WDFY3: variants seen among roughly 807,000 people sequenced by gnomAD.
WDFY3 encodes WD repeat and FYVE domain-containing protein 3.
Under a neutral mutation model 409.6 loss-of-function variants are expected in WDFY3, and 66 were observed. The ratio of observed to expected loss-of-function variants is 0.16; its 90% CI spans 0.13 to 0.20. The LOEUF is 0.20. Ranked by LOEUF, WDFY3 falls within the 10% of genes least tolerant of loss-of-function variation. The pLI, the probability that WDFY3 is intolerant of heterozygous loss-of-function variation, is 1.00. For missense variants in WDFY3, 3,031 were observed against 4,298.1 expected, an observed-to-expected ratio of 0.71 and a Z score of 8.24; for synonymous variants, 1,521 against 1,537.1, an observed-to-expected ratio of 0.99 and a Z score of 0.25.
intron 3 of WDFY3, among the ~76,000 whole-genome samples, chr4:84,888,880 T>C (rs72947582): frequency 1.8e-3 from 272 of 152,150 alleles, no homozygotes; most frequent in African/African-American, 6.2e-3. Context: ...CTTGTCAGTA[T>C]ATCAGCACTG....
At chr4:84,856,754 C>A (rs903901066) in intron 4 of WDFY3, among the ~76,000 whole-genome samples, 1 of 152,160 alleles carries the variant, frequency 6.6e-6, no homozygotes, top group Non-Finnish European at 1.5e-5. Context: ...ATGTCCATGT[C>A]TAACAGCTTG....
chr4:84,808,478 G>C, intron 14 of WDFY3, 61 bp from the exon 15 acceptor site: 1 of 1,457,368 alleles, frequency 6.9e-7, no homozygotes, highest in East Asian at 2.3e-5. Flanking sequence ...ACACCAGGTT[G>C]GCAGTTGGTT....
intron 32 of WDFY3, among the ~76,000 whole-genome samples, chr4:84,761,089 G>A (rs1259630790): frequency 6.6e-6 from 1 of 152,076 alleles, no homozygotes; most frequent in Non-Finnish European, 1.5e-5. Flanking sequence ...GGAGCAGGTT[G>A]TTCAGTTTCC....
chr4:84,797,526 T>G (rs1384570879), intron 18 of WDFY3, among the ~76,000 whole-genome samples: 1 of 152,022 alleles, frequency 6.6e-6, no homozygotes, highest in Non-Finnish European at 1.5e-5. Flanking sequence ...TTTTTGTTTC[T>G]ACTCTTAGCA....
At position 84,679,116 on chromosome 4, in the gene WDFY3, C is replaced by A. The variant is rs548501251; in HGVS notation, c.9950G>T (p.Arg3317Leu). The change falls in exon 65 of 68, where the codon CGC (arginine) becomes CTC (leucine). Residue 3317 changes from arginine (R) to leucine (L), a missense_variant. Physicochemically the swap from Arg to Leu is moderately radical, Grantham distance 102. This residue lies in a region of WDFY3 where 378 missense variants were observed against 477.3 expected (regional missense o/e 0.79). Coordinates refer to ENST00000295888, the MANE Select transcript of WDFY3 (RefSeq NM_014991.6). ...GTCAGTACACCAGGCGGCTGTTGCG[C>A]GGCAGGAGGCTGCCCGGGGCCTGTG... ...TSHRPRAASC[R>L]ATAAWCTDSG... 1 of 1,614,050 alleles carries A rather than the reference C, an allele frequency of 6.2e-7. No individual in the cohort carries two copies. The highest frequency in any genetic ancestry group is 8.5e-7 in the Non-Finnish European group (1 of 1,180,028).
chr4:84,877,499 A>G (rs542374190), intron 3 of WDFY3, among the ~76,000 whole-genome samples: 2 of 151,914 alleles, frequency 1.3e-5, no homozygotes, highest in Admixed American at 6.6e-5. Context: ...GGGTCTCACT[A>G]TGTTGCCCAG....
rs531525495 is a variant in WDFY3 at position 84,839,750 on chromosome 4, C to T, written c.414+1404G>A. ...GCGCGCGCCTGTAATCCCAGCTACT[C>T]GGGAGGCTGAGGCAAGAGAATCGCT... On this transcript the variant is annotated intron_variant, in intron 6 of 67. Transcript: ENST00000295888. Among the ~76,000 whole-genome samples the T allele has an allele frequency of 5.9e-5, 9 of 151,844 alleles. No individual in the cohort carries two copies. The East Asian group carries it at 1.4e-3, about 23-fold the overall frequency.
chr4:84,806,240 C>T (rs1751482386), intron 15 of WDFY3, among the ~76,000 whole-genome samples: 1 of 152,142 alleles, frequency 6.6e-6, no homozygotes, highest in African/African-American at 2.4e-5. Context: ...AAGTAAAAAA[C>T]ATAATATTCT....
chr4:84,678,107 G>A, intron 66 of WDFY3, 61 bp downstream of exon 66: 1 of 1,231,816 alleles, frequency 8.1e-7, no homozygotes, highest in Non-Finnish European at 1.2e-6. Flanking sequence ...TGGAGTATGT[G>A]GCCCTTGGCT....
chr4:84,929,339 A>G (rs1770427936), intron 2 of WDFY3, among the ~76,000 whole-genome samples: 1 of 152,122 alleles, frequency 6.6e-6, no homozygotes, highest in Non-Finnish European at 1.5e-5. Context: ...CAGCTTTGTG[A>G]GAGATCCTGA....
intron 7 of WDFY3, among the ~76,000 whole-genome samples, chr4:84,836,368 A>G (rs987552507): frequency 2.0e-5 from 3 of 152,168 alleles, no homozygotes; most frequent in African/African-American, 7.2e-5. Flanking sequence ...AAGAAAGGAT[A>G]TCATACATGA....
chr4:84,815,783 ATTTAGTTACGGTAGGG>A (rs1192778224), intron 13 of WDFY3, among the ~76,000 whole-genome samples: 1 of 152,168 alleles, frequency 6.6e-6, no homozygotes, highest in Non-Finnish European at 1.5e-5. Flanking sequence ...AATGCTGATC[ATTTAGTTACGGTAGGG>A]TCCATTGTAA....
chr4:84,856,173 TAAGTCAAC>T (rs1189288662), intron 4 of WDFY3, among the ~76,000 whole-genome samples: 1 of 152,200 alleles, frequency 6.6e-6, no homozygotes, highest in East Asian at 1.9e-4. Flanking sequence ...ACCTCTCTCT[TAAGTCAAC>T]AAATTAAAAA....
At position 84,693,002 on chromosome 4, in the gene WDFY3, C is replaced by A; in HGVS notation, c.8932G>T (p.Val2978Leu). 1 of 1,611,414 alleles carries A rather than the reference C, an allele frequency of 6.2e-7. No homozygotes were observed. Among genetic ancestry groups the A allele is most frequent in the Non-Finnish European group, 8.5e-7 (1 of 1,179,488 alleles). ...TTGTCTCCATTGAGTCGACTTCTCA[C>A]TCGCTTTGGTGGATGAGGTTTTTTA... ...LFKKPHPPKRVRSRLNGDNAG... is the reference protein window; with the variant it reads ...LFKKPHPPKRLRSRLNGDNAG... The change falls in exon 59 of 68, where the codon GTG becomes TTG. Residue 2978 changes from valine (V) to leucine (L), a missense_variant. Transcript: ENST00000295888.
intron 2 of WDFY3, among the ~76,000 whole-genome samples, chr4:84,915,873 C>T (rs1768413392): frequency 6.6e-6 from 1 of 152,168 alleles, no homozygotes; most frequent in African/African-American, 2.4e-5. Flanking sequence ...GTGTTGCATG[C>T]TTTTGGCAAG....
intron 18 of WDFY3, among the ~76,000 whole-genome samples, chr4:84,797,563 T>C (rs1749678352): frequency 6.7e-6 from 1 of 148,478 alleles, no homozygotes; most frequent in East Asian, 2.0e-4. Flanking sequence ...AATTCTTATT[T>C]ATTTATTTAT....
chr4:84,894,096 C>T (rs1262138100), intron 3 of WDFY3, among the ~76,000 whole-genome samples: 1 of 152,046 alleles, frequency 6.6e-6, no homozygotes, highest in Non-Finnish European at 1.5e-5. Context: ...AAATTTCTAC[C>T]ATGATCCTTA....
chr4:84,771,511 A>G (rs569654609), intron 30 of WDFY3, among the ~76,000 whole-genome samples: 1 of 152,346 alleles, frequency 6.6e-6, no homozygotes, highest in Admixed American at 6.5e-5. Flanking sequence ...CTACCTAATT[A>G]TAATTAGTCA....
chr4:84,831,185 C>T (rs1288626182), intron 8 of WDFY3, among the ~76,000 whole-genome samples: 1 of 103,356 alleles, frequency 9.7e-6, no homozygotes, highest in Admixed American at 1.1e-4. Flanking sequence ...AGACTCCATC[C>T]AAAAAAAAAA....
Sources: gnomAD v4.1 joint callset for allele counts (sites outside exome capture counted in the v4.1 genomes callset) on GRCh38, gnomAD v4.1.1 for gene constraint, gnomAD v4.1.1 regional missense constraint, MANE v1.5 for transcripts, NCBI Gene and HGNC (gene_info 2026-07-23, HGNC 2026-07-21) for gene names.